The following PTPN1 variants were observed in gnomAD, a reference collection of about 807,000 sequenced individuals.
PTPN1 encodes the protein protein tyrosine phosphatase non-receptor type 1, also known as tyrosine-protein phosphatase non-receptor type 1.
Under a neutral mutation model 59.9 loss-of-function variants are expected in PTPN1, and 12 were observed. That is an observed-to-expected ratio of 0.20 (90% CI 0.13 to 0.32). The LOEUF is 0.32. PTPN1 is among the 10% of genes least tolerant of loss of function. PTPN1 has a pLI of 1.00. For synonymous variants in PTPN1, 178 were observed against 203.6 expected, an observed-to-expected ratio of 0.87 and a Z score of 1.07; for missense variants, 356 against 549.2, an observed-to-expected ratio of 0.65 and a Z score of 3.52.
intron 1 of PTPN1, among the ~76,000 whole-genome samples, chr20:50,518,818 A>C (rs2082539651): frequency 6.6e-6 from 1 of 152,206 alleles, no homozygotes; most frequent in African/African-American, 2.4e-5. Context: ...TCAGAAAGTT[A>C]CATTAAGCTA....
At chr20:50,510,989 T>G (rs2122712450) in intron 1 of PTPN1, among the ~76,000 whole-genome samples, 1 of 152,118 alleles carries the variant, frequency 6.6e-6, no homozygotes, top group East Asian at 1.9e-4. Context: ...CTCTCTTCCT[T>G]TGTCTCCCTG....
chr20:50,561,588 A>G (rs2082752695), intron 2 of PTPN1, 135 bp downstream of exon 2: 2 of 544,500 alleles, frequency 3.7e-6, no homozygotes, highest in African/African-American at 1.9e-5. Context: ...ATTGTTTCCT[A>G]TAGTAAAGGC....
intron 1 of PTPN1, among the ~76,000 whole-genome samples, chr20:50,532,072 T>C (rs756818740): frequency 1.2e-4 from 18 of 152,206 alleles, no homozygotes; most frequent in Non-Finnish European, 2.4e-4. Flanking sequence ...TCTACCTCTG[T>C]ATTTAAGGGG....
chr20:50,516,913 T>C (rs1194549539), intron 1 of PTPN1, among the ~76,000 whole-genome samples: 2 of 152,248 alleles, frequency 1.3e-5, no homozygotes. Context: ...AGTTTACACA[T>C]CTGCCATATT....
intron 1 of PTPN1, among the ~76,000 whole-genome samples, chr20:50,541,197 A>G (rs1369265892): frequency 6.6e-6 from 1 of 152,196 alleles, no homozygotes; most frequent in Non-Finnish European, 1.5e-5. Flanking sequence ...GCCTTCTGTT[A>G]AGGAGGTCAA....
chr20:50,511,137 C>T (rs912755644), intron 1 of PTPN1, among the ~76,000 whole-genome samples: 1 of 152,160 alleles, frequency 6.6e-6, no homozygotes, highest in Non-Finnish European at 1.5e-5. Context: ...CAAGCTTATT[C>T]TGTGCTAGGC....
chr20:50,519,550 T>C (rs1475835104), intron 1 of PTPN1, among the ~76,000 whole-genome samples: 1 of 152,214 alleles, frequency 6.6e-6, no homozygotes, highest in Non-Finnish European at 1.5e-5. Context: ...TAGCTGTCTG[T>C]GAAATGCAGC....
intron 1 of PTPN1, among the ~76,000 whole-genome samples, chr20:50,554,380 A>ATTCTCTCCCTCTCTCTCTC (rs11481722): frequency 2.1e-5 from 3 of 140,200 alleles, no homozygotes; most frequent in African/African-American, 8.1e-5. Context: ...GCAAGACCAC[A>ATTCTCTCCCTCTCTCTCTC]TCTCTCTCTC....
intron 3 of PTPN1, among the ~76,000 whole-genome samples, chr20:50,566,619 TCAG>T (rs2082780310): frequency 1.3e-5 from 2 of 152,128 alleles, no homozygotes; most frequent in Admixed American, 6.5e-5. Flanking sequence ...CATTTTTTTT[TCAG>T]TGGTGTTCAT....
At chr20:50,575,537 G>A (rs905004175) in intron 5 of PTPN1, among the ~76,000 whole-genome samples, 1 of 152,246 alleles carries the variant, frequency 6.6e-6, no homozygotes, top group African/African-American at 2.4e-5. Context: ...CTCCAGGGCT[G>A]TGTGGGTGGG....
At chr20:50,532,119 G>A (rs191513439) in intron 1 of PTPN1, among the ~76,000 whole-genome samples, 29 of 152,352 alleles carry the variant, frequency 1.9e-4, no homozygotes, top group Admixed American at 1.5e-3. Flanking sequence ...GAAGAGGATG[G>A]ATGATAGAGA....
chr20:50,567,898 CTAT>C (rs1190015734), intron 3 of PTPN1, among the ~76,000 whole-genome samples: 1 of 152,124 alleles, frequency 6.6e-6, no homozygotes, highest in African/African-American at 2.4e-5. Flanking sequence ...TGAATAGGGA[CTAT>C]TATTAGTCAA....
intron 1 of PTPN1, among the ~76,000 whole-genome samples, chr20:50,553,231 T>C (rs2122766615): frequency 6.6e-6 from 1 of 152,246 alleles, no homozygotes; most frequent in South Asian, 2.1e-4. Context: ...ACGAAAACTA[T>C]AGAGTGATAA....
intron 1 of PTPN1, among the ~76,000 whole-genome samples, chr20:50,515,202 C>CT (rs912934632): frequency 6.2e-4 from 94 of 152,336 alleles, no homozygotes; most frequent in African/African-American, 2.1e-3. Flanking sequence ...TCCTTCCCTC[C>CT]TATGTGGCTT....
chr20:50,521,460 AC>A (rs1174173814), intron 1 of PTPN1, among the ~76,000 whole-genome samples: 2 of 152,234 alleles, frequency 1.3e-5, no homozygotes. Context: ...GAGGTCCCAG[AC>A]CCTCAGTCTT....
chr20:50,545,311 G>A (rs1179036628), intron 1 of PTPN1, among the ~76,000 whole-genome samples: 2 of 152,050 alleles, frequency 1.3e-5, no homozygotes, highest in South Asian at 4.1e-4. Flanking sequence ...GCATGCCTTC[G>A]TAGTGGGGAA....
chr20:50,557,444 G>C (rs2082730746), intron 1 of PTPN1, among the ~76,000 whole-genome samples: 1 of 152,012 alleles, frequency 6.6e-6, no homozygotes, highest in African/African-American at 2.4e-5. Flanking sequence ...CCATTATTAA[G>C]GTGGATGATT....
intron 2 of PTPN1, 136 bp from the exon 3 acceptor site, chr20:50,564,833 A>C: frequency 2.2e-6 from 3 of 1,374,726 alleles, no homozygotes; most frequent in Non-Finnish European, 2.9e-6. Context: ...GACTAATCTC[A>C]ACTAAAACAG....
chr20:50,566,271 T>A lies in PTPN1; in HGVS notation c.255+1202T>A, dbSNP rs1601409793. ...ACTTTGCTTTTTGGAGAAGTCAAAT[T>A]TCCTACTTCTTGATTTCAGCCCTTC... On this transcript the variant is annotated intron_variant, in intron 3 of 9. Coordinates refer to ENST00000371621, the MANE Select transcript of PTPN1 (RefSeq NM_002827.4). Among the ~76,000 whole-genome samples the A allele has an allele frequency of 1.3e-5, 2 of 152,278 alleles. 1 individual carries two copies. Among genetic ancestry groups the A allele is most frequent in the East Asian group, 3.9e-4 (2 of 5,184 alleles).
Sources: gnomAD v4.1 joint callset for allele counts (sites outside exome capture counted in the v4.1 genomes callset) on GRCh38, gnomAD v4.1.1 for gene constraint, MANE v1.5 for transcripts, NCBI Gene and HGNC (gene_info 2026-07-23, HGNC 2026-07-21) for gene names.